QTMAN: variants seen among roughly 807,000 people sequenced by gnomAD.
QTMAN encodes tRNA-queuosine alpha-mannosyltransferase.
the QTMAN span, among the ~76,000 whole-genome samples, chr2:144,126,053 T>C: frequency 8.5e-5 from 13 of 152,106 alleles, no homozygotes; most frequent in African/African-American, 3.1e-4. Flanking sequence ...TTCATCAGGA[T>C]AGCCAGAAAA....
chr2:144,074,308 T>G, the QTMAN span, among the ~76,000 whole-genome samples: 115 of 152,302 alleles, frequency 7.6e-4, no homozygotes, highest in South Asian at 1.2e-3. Flanking sequence ...CACTGAAATA[T>G]GTAATTTACA....
chr2:144,086,086 T>C, the QTMAN span, among the ~76,000 whole-genome samples: 1 of 152,168 alleles, frequency 6.6e-6, no homozygotes, highest in African/African-American at 2.4e-5. Flanking sequence ...TTGCTAAAAA[T>C]CACCTCAACA....
the QTMAN span, among the ~76,000 whole-genome samples, chr2:144,133,519 TATAA>T: frequency 5.5e-4 from 48 of 87,958 alleles, no homozygotes; most frequent in African/African-American, 1.5e-3. Context: ...ACATAATATA[TATAA>T]ATAAATATAT....
At chr2:144,302,385 C>G in the QTMAN span, among the ~76,000 whole-genome samples, 1 of 152,130 alleles carries the variant, frequency 6.6e-6, no homozygotes, top group South Asian at 2.1e-4. Flanking sequence ...CCATAGCAAT[C>G]TCCCTGTCTT....
At chr2:143,953,516 C>T in the QTMAN span, among the ~76,000 whole-genome samples, 15 of 151,820 alleles carry the variant, frequency 9.9e-5, no homozygotes, top group Non-Finnish European at 2.1e-4. Context: ...AACAAACAAA[C>T]ATGAAAGTTT....
the QTMAN span, chr2:144,145,497 C>G: frequency 9.4e-7 from 1 of 1,066,782 alleles, no homozygotes; most frequent in Non-Finnish European, 1.4e-6. Context: ...TAGTAGGTCT[C>G]CAGATTTAAA....
At chr2:144,328,105 C>A in the QTMAN span, among the ~76,000 whole-genome samples, 14 of 152,142 alleles carry the variant, frequency 9.2e-5, no homozygotes, top group African/African-American at 3.4e-4. Context: ...CACGTGCCAC[C>A]ATGCCCGGTT....
At chr2:144,273,583 C>T in the QTMAN span, among the ~76,000 whole-genome samples, 3 of 152,108 alleles carry the variant, frequency 2.0e-5, no homozygotes, top group Admixed American at 6.6e-5. Flanking sequence ...TGGAGGAGTA[C>T]TCTAAGGACT....
the QTMAN span, among the ~76,000 whole-genome samples, chr2:144,250,574 C>A: frequency 6.6e-6 from 1 of 151,978 alleles, no homozygotes; most frequent in African/African-American, 2.4e-5. Flanking sequence ...AAATTTGTTA[C>A]GTTTCTGACA....
the QTMAN span, among the ~76,000 whole-genome samples, chr2:144,163,873 G>A: frequency 1.3e-5 from 2 of 152,174 alleles, no homozygotes; most frequent in Admixed American, 6.6e-5. Flanking sequence ...GATTCTAAGG[G>A]AAGACTGCCT....
At chr2:144,259,482 A>G in the QTMAN span, among the ~76,000 whole-genome samples, 1 of 152,144 alleles carries the variant, frequency 6.6e-6, no homozygotes, top group East Asian at 1.9e-4. Flanking sequence ...TATGAAGCCA[A>G]CTGGATTTAT....
the QTMAN span, among the ~76,000 whole-genome samples, chr2:144,158,284 C>A: frequency 2.0e-5 from 3 of 152,014 alleles, no homozygotes; most frequent in South Asian, 4.1e-4. Flanking sequence ...GAGCATCTGG[C>A]AACTCTGCCA....
the QTMAN span, among the ~76,000 whole-genome samples, chr2:144,063,337 G>A: frequency 6.6e-6 from 1 of 152,130 alleles, no homozygotes; most frequent in Non-Finnish European, 1.5e-5. Flanking sequence ...TCAACTGATT[G>A]AGTCAGTTGA....
chr2:144,037,885 A>G, the QTMAN span, among the ~76,000 whole-genome samples: 1 of 152,226 alleles, frequency 6.6e-6, no homozygotes, highest in Non-Finnish European at 1.5e-5. Context: ...TAGCATTTCA[A>G]TAGCTAGATG....
the QTMAN span, among the ~76,000 whole-genome samples, chr2:144,109,366 C>G: frequency 6.6e-6 from 1 of 152,180 alleles, no homozygotes; most frequent in Admixed American, 6.5e-5. Context: ...AACTGGATCC[C>G]TTCCTTATAC....
At chr2:144,250,221 G>A in the QTMAN span, among the ~76,000 whole-genome samples, 2 of 150,742 alleles carry the variant, frequency 1.3e-5, no homozygotes, top group Non-Finnish European at 2.9e-5. Context: ...TTGGCTCACC[G>A]CAGCCTCCAC....
At chr2:144,117,088 G>A in the QTMAN span, among the ~76,000 whole-genome samples, 4 of 152,090 alleles carry the variant, frequency 2.6e-5, no homozygotes, top group Non-Finnish European at 4.4e-5. Context: ...ACAGCACCCC[G>A]CATACCACCT....
the QTMAN span, among the ~76,000 whole-genome samples, chr2:144,262,270 G>A: frequency 1.3e-5 from 2 of 152,174 alleles, no homozygotes; most frequent in African/African-American, 4.8e-5. Context: ...TCATTAGGAA[G>A]TCCAGTGTAG....
chr2:144,162,293 G>C, the QTMAN span, among the ~76,000 whole-genome samples: 2 of 152,068 alleles, frequency 1.3e-5, no homozygotes, highest in Admixed American at 1.3e-4. Flanking sequence ...TACAACACCT[G>C]TCATCAAAAA....
Sources: gnomAD v4.1 joint callset for allele counts (sites outside exome capture counted in the v4.1 genomes callset) on GRCh38, gnomAD v4.1.1 for gene constraint, MANE v1.5 for transcripts, NCBI Gene and HGNC (gene_info 2026-07-23, HGNC 2026-07-21) for gene names.